Variants in SNTG1 observed in about 807,000 individuals in gnomAD.
SNTG1 encodes the protein syntrophin gamma 1.
SNTG1 carries 39 observed loss-of-function variants against 74.7 expected under a neutral mutation model. That is an observed-to-expected ratio of 0.52 (90% CI 0.40 to 0.68). SNTG1 has a LOEUF of 0.68. Among genes scored for constraint, SNTG1 ranks in the 30% least tolerant of loss-of-function variants. The probability of loss-of-function intolerance (pLI) is 0.00; values close to 1 mark genes in which losing one functional copy is unlikely to be tolerated. For synonymous variants in SNTG1, 254 were observed against 217.1 expected, an observed-to-expected ratio of 1.17 and a Z score of -1.49; for missense variants, 685 against 609.5, an observed-to-expected ratio of 1.12 and a Z score of -1.30.
At chr8:50,324,971 A>ATG (rs57173675) in intron 2 of SNTG1, among the ~76,000 whole-genome samples, 20 of 140,446 alleles carry the variant, frequency 1.4e-4, no homozygotes, top group African/African-American at 4.9e-4. Context: ...ATATATATAT[A>ATG]GACAGAGAGA....
chr8:50,536,824 G>T lies in SNTG1; in HGVS notation c.680+16G>T. On this transcript the variant is annotated intron_variant, in intron 11 of 18. Transcript: ENST00000642720. ...ATTTGAGTCGGTGAGTCCGTGTTTA[G>T]GAGTTATGACTGTTTTGTTTATGAA... The T allele has an allele frequency of 6.2e-7, 1 of 1,613,194 alleles. No individual in the cohort carries two copies. Among genetic ancestry groups the T allele is most frequent in the South Asian group, 1.1e-5 (1 of 90,940 alleles).
intron 12 of SNTG1, among the ~76,000 whole-genome samples, chr8:50,569,919 A>T (rs2094537377): frequency 6.6e-6 from 1 of 152,220 alleles, no homozygotes; most frequent in African/African-American, 2.4e-5. Context: ...GAGTCATTTA[A>T]GTCAGAATAA....
intron 4 of SNTG1, among the ~76,000 whole-genome samples, chr8:50,426,992 G>T (rs982041511): frequency 5.3e-5 from 8 of 152,088 alleles, no homozygotes; most frequent in African/African-American, 1.9e-4. Context: ...GATGTATGTA[G>T]ATCACATGTA....
At chr8:50,517,719 A>G (rs1273170579) in intron 9 of SNTG1, among the ~76,000 whole-genome samples, 2 of 152,166 alleles carry the variant, frequency 1.3e-5, no homozygotes, top group East Asian at 3.8e-4. Context: ...AGGGCATTAT[A>G]TAATGATAAA....
chr8:50,253,609 G>T lies in SNTG1; in HGVS notation c.-28+80974G>T, dbSNP rs112063549. On this transcript the variant is annotated intron_variant, in intron 2 of 18. Coordinates refer to ENST00000642720, the MANE Select transcript of SNTG1 (RefSeq NM_018967.5). ...ATACAACCATGGATGAATGGAGAAA[G>T]AAAATGTGGTGTGTGTGTGTGTGTT... Among the ~76,000 whole-genome samples, 10 of 135,216 alleles carry T rather than the reference G, an allele frequency of 7.4e-5. 1 individual carries two copies. Among genetic ancestry groups the T allele is most frequent in the African/African-American group, 2.7e-4 (9 of 33,402 alleles). The allele number at this position is 135,216 out of a possible 152,430, so 88.7% of individuals were successfully genotyped here.
At chr8:50,625,211 C>A (rs1187003723) in intron 13 of SNTG1, among the ~76,000 whole-genome samples, 1 of 152,184 alleles carries the variant, frequency 6.6e-6, no homozygotes, top group African/African-American at 2.4e-5. Flanking sequence ...AGAAACTGAG[C>A]AGAACTACAT....
chr8:50,247,638 C>A (rs1020463749), intron 2 of SNTG1, among the ~76,000 whole-genome samples: 5 of 151,852 alleles, frequency 3.3e-5, no homozygotes, highest in Admixed American at 6.6e-5. Flanking sequence ...CCTGAGTAGC[C>A]AGGACTAACG....
intron 15 of SNTG1, among the ~76,000 whole-genome samples, chr8:50,659,343 G>C (rs981932019): frequency 6.6e-6 from 1 of 152,132 alleles, no homozygotes; most frequent in Non-Finnish European, 1.5e-5. Context: ...TTTAGGGTTT[G>C]TAGGCTTGGA....
At chr8:50,320,243 T>C (rs555154147) in intron 2 of SNTG1, among the ~76,000 whole-genome samples, 66 of 152,254 alleles carry the variant, frequency 4.3e-4, no homozygotes, top group African/African-American at 1.4e-3. Context: ...TCACGATAGG[T>C]TGTATGTGTC....
intron 9 of SNTG1, among the ~76,000 whole-genome samples, chr8:50,505,477 A>G (rs146658545): frequency 6.6e-6 from 1 of 152,236 alleles, no homozygotes; most frequent in African/African-American, 2.4e-5. Context: ...CAATTTCTAC[A>G]TATCCTCACC....
At chr8:50,183,672 A>G (rs1336657324) in intron 2 of SNTG1, among the ~76,000 whole-genome samples, 3 of 152,144 alleles carry the variant, frequency 2.0e-5, no homozygotes, top group South Asian at 4.1e-4. Context: ...CTAAATTTCT[A>G]TCTGCTTCCC....
intron 2 of SNTG1, among the ~76,000 whole-genome samples, chr8:50,203,247 T>C (rs2084060544): frequency 6.6e-6 from 1 of 152,182 alleles, no homozygotes; most frequent in African/African-American, 2.4e-5. Flanking sequence ...CTTGAATTTT[T>C]CTGAGAGTTT....
Position 50,190,994 on chromosome 8 carries a change from T to G in SNTG1, c.-28+18359T>G, listed in dbSNP as rs1331723873. Among the ~76,000 whole-genome samples the G allele has an allele frequency of 1.3e-5, 2 of 152,170 alleles. 1 individual carries two copies. The highest frequency in any genetic ancestry group is 1.3e-4 in the Admixed American group (2 of 15,262). On this transcript the variant is annotated intron_variant, in intron 2 of 18. Transcript: ENST00000642720. ...CCATAAATTATGCCGGGTTATAGTA[T>G]TATTTTCTGGATAAGCACTTCGCTA...
intron 1 of SNTG1, among the ~76,000 whole-genome samples, chr8:49,962,006 G>A (rs745822287): frequency 7.9e-5 from 12 of 152,168 alleles, no homozygotes; most frequent in Non-Finnish European, 1.5e-4. Flanking sequence ...AATGGCAGCC[G>A]GACAAACATT....
At chr8:50,514,656 A>C (rs933097464) in intron 9 of SNTG1, among the ~76,000 whole-genome samples, 5 of 152,174 alleles carry the variant, frequency 3.3e-5, no homozygotes, top group Non-Finnish European at 7.4e-5. Context: ...TATGTAAACT[A>C]TTAGGGAGAA....
At chr8:50,646,793 G>GCT (rs2095112034) in intron 13 of SNTG1, among the ~76,000 whole-genome samples, 1 of 152,108 alleles carries the variant, frequency 6.6e-6, no homozygotes, top group Admixed American at 6.6e-5. Context: ...AAGTCAGGAG[G>GCT]CTCGTATTAT....
intron 1 of SNTG1, among the ~76,000 whole-genome samples, chr8:49,948,683 G>C (rs148402430): frequency 5.3e-5 from 8 of 152,268 alleles, no homozygotes; most frequent in African/African-American, 1.9e-4. Context: ...CTCCTCTAGA[G>C]GCTGTATTTT....
intron 12 of SNTG1, among the ~76,000 whole-genome samples, chr8:50,573,426 A>G (rs74353188): frequency 0.038 from 5,754 of 152,022 alleles, 185 homozygotes; most frequent in African/African-American, 0.078. Context: ...GATCTATAAT[A>G]ATTGAACTTA....
At chr8:50,352,794 C>T (rs971654556) in intron 2 of SNTG1, among the ~76,000 whole-genome samples, 1 of 152,176 alleles carries the variant, frequency 6.6e-6, no homozygotes, top group African/African-American at 2.4e-5. Context: ...TTAGGCTTCT[C>T]AGAATGCCTT....
Sources: allele counts gnomAD v4.1 joint callset (sites outside exome capture counted in the v4.1 genomes callset), GRCh38; gene constraint gnomAD v4.1.1; transcripts MANE v1.5; gene names NCBI Gene and HGNC (gene_info 2026-07-23, HGNC 2026-07-21).